ZNF138: variants seen among roughly 807,000 people sequenced by gnomAD.
ZNF138 encodes zinc finger protein 138.
Under a neutral mutation model 33.0 loss-of-function variants are expected in ZNF138, and 33 were observed. The observed-to-expected ratio is 1.00, with a 90% CI of 0.76 to 1.34. ZNF138 has a LOEUF of 1.34. Ranked by LOEUF, ZNF138 falls within the 40% of genes most tolerant of loss-of-function variation. ZNF138 has a pLI of 0.00. For missense variants in ZNF138, 360 were observed against 370.8 expected, an observed-to-expected ratio of 0.97 and a Z score of 0.24; for synonymous variants, 139 against 120.4, an observed-to-expected ratio of 1.15 and a Z score of -1.01.
intron 1 of ZNF138, chr7:64,814,207 C>G: frequency 4.4e-6 from 4 of 905,908 alleles, no homozygotes; most frequent in Non-Finnish European, 5.6e-6. Context: ...AAAAAATAAT[C>G]TGCATTAACC....
At chr7:64,858,744 T>C in the ZNF138 span, among the ~76,000 whole-genome samples, 1 of 152,224 alleles carries the variant, frequency 6.6e-6, no homozygotes, top group Admixed American at 6.5e-5. Flanking sequence ...TTTTTAAAAA[T>C]TTTTTTCAAT....
intron 3 of ZNF138, among the ~76,000 whole-genome samples, chr7:64,828,713 A>T (rs2129014239): frequency 6.6e-6 from 1 of 152,110 alleles, no homozygotes; most frequent in East Asian, 1.9e-4. Context: ...TACTCATACC[A>T]AATTGTTTTA....
chr7:64,809,693 T>G (rs935630312), intron 1 of ZNF138, among the ~76,000 whole-genome samples: 51 of 144,892 alleles, frequency 3.5e-4, no homozygotes, highest in African/African-American at 1.1e-3. Flanking sequence ...GGCTCCTCAC[T>G]TCTCAGACGG....
At position 64,832,437 on chromosome 7, in the gene ZNF138, G is replaced by T; in HGVS notation, c.*235G>T. 6.9e-7 allele frequency: 1 copy of T among 1,449,278 alleles called. No individual in the cohort carries two copies. The highest frequency in any genetic ancestry group is 9.1e-7 in the Non-Finnish European group (1 of 1,093,934). The allele number at this position is 1,449,278 out of a possible 1,614,324, so 89.8% of individuals were successfully genotyped here. On this transcript the variant is annotated 3_prime_UTR_variant, in exon 4 of 4. Transcript: ENST00000307355. ...CTACAAATGTAAAGAATGTGGAAAA[G>T]CTTTTCACCGATACTCAATCCTTAG...
chr7:64,846,945 A>G, the ZNF138 span, among the ~76,000 whole-genome samples: 77,584 of 151,932 alleles, frequency 0.51, 20,264 homozygotes, highest in South Asian at 0.66. Context: ...TGGTATGCCA[A>G]TTTTGCTGAG....
the ZNF138 span, chr7:64,852,860 T>C: frequency 3.0e-4 from 257 of 864,086 alleles, 1 homozygote; most frequent in African/African-American, 3.2e-3. Context: ...AATCCAGGGG[T>C]TTAGTACTGT....
the ZNF138 span, among the ~76,000 whole-genome samples, chr7:64,846,208 T>C: frequency 6.6e-6 from 1 of 152,176 alleles, no homozygotes; most frequent in African/African-American, 2.4e-5. Flanking sequence ...TGCCTTCAGA[T>C]TTGTTGGTTT....
the ZNF138 span, chr7:64,853,095 T>G: frequency 7.1e-7 from 1 of 1,415,058 alleles, no homozygotes; most frequent in East Asian, 2.3e-5. Context: ...ATTGGGTAAA[T>G]GTAATCTGTA....
the ZNF138 span, among the ~76,000 whole-genome samples, chr7:64,842,484 C>T: frequency 6.6e-6 from 1 of 152,062 alleles, no homozygotes; most frequent in Non-Finnish European, 1.5e-5. Flanking sequence ...GGAATTTCAC[C>T]CTGTTATTTT....
At chr7:64,860,329 ATTAT>A in the ZNF138 span, among the ~76,000 whole-genome samples, 1 of 152,176 alleles carries the variant, frequency 6.6e-6, no homozygotes, top group Non-Finnish European at 1.5e-5. Flanking sequence ...ACACTGCATT[ATTAT>A]TTATTATAGT....
intron 3 of ZNF138, among the ~76,000 whole-genome samples, chr7:64,828,967 G>A (rs73350345): frequency 0.018 from 2,740 of 152,136 alleles, 79 homozygotes; most frequent in African/African-American, 0.062. Flanking sequence ...CTTTGAACAG[G>A]AGTATGCTGA....
chr7:64,831,369 A>G (rs1790063261), intron 3 of ZNF138, 82 bp from the exon 4 acceptor site: 3 of 1,263,886 alleles, frequency 2.4e-6, no homozygotes, highest in African/African-American at 1.5e-5. Flanking sequence ...TGTAGTTTGT[A>G]TGATTTTATA....
At chr7:64,817,871 A>C (rs1308040481) in intron 3 of ZNF138, among the ~76,000 whole-genome samples, 4 of 152,002 alleles carry the variant, frequency 2.6e-5, no homozygotes, top group African/African-American at 4.8e-5. Context: ...ATTAGTAGGC[A>C]CTCCATATTT....
In ZNF138 at chr7:64,832,003, C is replaced by T. The variant is rs747662211; in HGVS notation, c.761C>T (p.Ala254Val). ...ACTGGAGAAAAACCCTATAAATGTG[C>T]ACACTGTGGCAAAGCCTTTAAACAG... Reference protein sequence around the residue: ...IRTGEKPYKCAHCGKAFKQSS... With the variant: ...IRTGEKPYKCVHCGKAFKQSS... Residue 254 changes from alanine (A) to valine (V), a missense_variant, in exon 4 of 4, where the codon GCA becomes GTA. Physicochemically the swap from Ala to Val is moderately conservative, Grantham distance 64. Transcript: ENST00000307355. The T allele has an allele frequency of 2.5e-6, 4 of 1,613,278 alleles. No individual in the cohort carries two copies. The highest frequency in any genetic ancestry group is 1.3e-5 in the African/African-American group (1 of 74,852).
At chr7:64,819,396 C>G (rs150572883) in intron 3 of ZNF138, among the ~76,000 whole-genome samples, 2,355 of 145,780 alleles carry the variant, frequency 0.016, 30 homozygotes, top group Non-Finnish European at 0.025. Context: ...GAGATTGAGT[C>G]TTGCTCTTTT....
Position 64,833,588 on chromosome 7 carries a change from A to G in ZNF138, c.*1386A>G, listed in dbSNP as rs1008910373. Reference sequence around the variant, plus strand: ...AATGTTGTACTGATATAAAGAATGTAGAAAAGCCATTAATATGTGCTTACA... The same window carrying G: ...AATGTTGTACTGATATAAAGAATGTGGAAAAGCCATTAATATGTGCTTACA... On this transcript the variant is annotated 3_prime_UTR_variant, in exon 4 of 4. Transcript: ENST00000307355. The G allele has an allele frequency of 6.5e-6, 1 of 153,366 alleles. No homozygotes were observed. Among genetic ancestry groups the G allele is most frequent in the African/African-American group, 2.4e-5 (1 of 41,484 alleles). 9.5% of individuals were successfully genotyped at this position (153,366 alleles called of 1,614,324 possible). A position where few individuals can be genotyped will look rare whatever the true frequency, so the allele number is the denominator to read the frequency against.
intron 3 of ZNF138, among the ~76,000 whole-genome samples, chr7:64,820,664 A>G (rs1488810511): frequency 6.6e-6 from 1 of 151,410 alleles, no homozygotes; most frequent in Admixed American, 6.6e-5. Flanking sequence ...CCTGGATTCA[A>G]ATGATTCTTG....
the ZNF138 span, among the ~76,000 whole-genome samples, chr7:64,840,392 C>T: frequency 3.9e-5 from 6 of 152,110 alleles, no homozygotes; most frequent in African/African-American, 1.4e-4. Flanking sequence ...TAATGAATAT[C>T]GTTCCCGTTG....
chr7:64,848,704 A>ATTTTTTTT, the ZNF138 span, among the ~76,000 whole-genome samples: 2 of 102,608 alleles, frequency 1.9e-5, no homozygotes, highest in Admixed American at 1.4e-4. Context: ...ATTTTGGTGG[A>ATTTTTTTT]TTTTTTTTTT....
Sources: allele counts gnomAD v4.1 joint callset (sites outside exome capture counted in the v4.1 genomes callset), GRCh38; gene constraint gnomAD v4.1.1; transcripts MANE v1.5; gene names NCBI Gene and HGNC (gene_info 2026-07-23, HGNC 2026-07-21).